The following CNTN4 variants were observed in gnomAD, a reference collection of about 807,000 sequenced individuals.
The protein encoded by CNTN4 is contactin-4.
CNTN4 carries 77 observed loss-of-function variants against 122.5 expected under a neutral mutation model. The observed-to-expected ratio is 0.63, with a 90% CI of 0.52 to 0.76. The LOEUF (loss-of-function observed/expected upper bound fraction) is 0.76, where lower values mean the gene tolerates loss of function less well. Among genes scored for constraint, CNTN4 ranks in the 30% least tolerant of loss-of-function variants. The pLI is 0.00. For synonymous variants in CNTN4, 512 were observed against 447.0 expected (o/e 1.15, Z -1.83); for missense variants, 1,256 against 1,259.1 (o/e 1.00, Z 0.04).
intron 3 of CNTN4, among the ~76,000 whole-genome samples, chr3:2,478,408 GTT>G (rs11369134): frequency 6.8e-6 from 1 of 147,124 alleles, no homozygotes; most frequent in African/African-American, 2.5e-5. Flanking sequence ...TTATCTGTTT[GTT>G]TTTTTTTTTT....
In CNTN4 at chr3:2,800,295, G is replaced by A. The variant is rs144235427; in HGVS notation, c.359-19191G>A. Among the ~76,000 whole-genome samples, 27 of 152,028 alleles carry A rather than the reference G, an allele frequency of 1.8e-4. No individual in the cohort carries two copies. The East Asian group carries it at 4.1e-3, about 23-fold the overall frequency. On this transcript the variant is annotated intron_variant, in intron 6 of 24. Transcript: ENST00000418658. ...CATGTTGTTCTTTACCCTGACATTCGATTTATTTCTTCTTTCTTCTCTCAA... is the reference window on the plus strand; with the variant it reads ...CATGTTGTTCTTTACCCTGACATTCAATTTATTTCTTCTTTCTTCTCTCAA...
intron 7 of CNTN4, among the ~76,000 whole-genome samples, chr3:2,836,938 T>A (rs2093239951): frequency 1.3e-5 from 2 of 152,162 alleles, no homozygotes; most frequent in African/African-American, 4.8e-5. Context: ...ACTTCTATAA[T>A]CTGCTTAATG....
intron 13 of CNTN4, among the ~76,000 whole-genome samples, chr3:2,943,630 A>AATT (rs2094640256): frequency 4.7e-5 from 6 of 128,264 alleles, no homozygotes; most frequent in Admixed American, 4.3e-4. Flanking sequence ...ATATATATAT[A>AATT]TTTTTTTTTT....
intron 6 of CNTN4, among the ~76,000 whole-genome samples, chr3:2,784,522 A>T (rs759089090): frequency 6.6e-6 from 1 of 152,232 alleles, no homozygotes; most frequent in African/African-American, 2.4e-5. Context: ...ATTCAAAGTT[A>T]AACCATACTC....
At chr3:2,542,522 C>T (rs1344095204) in intron 3 of CNTN4, among the ~76,000 whole-genome samples, 2 of 152,116 alleles carry the variant, frequency 1.3e-5, no homozygotes, top group Admixed American at 1.3e-4. Context: ...CATTTTCTTT[C>T]TATTCCTAAC....
At chr3:2,994,787 A>T (rs1413485245) in intron 14 of CNTN4, among the ~76,000 whole-genome samples, 1 of 152,162 alleles carries the variant, frequency 6.6e-6, no homozygotes, top group Admixed American at 6.6e-5. Context: ...TTTATTTTGC[A>T]AATGAGTTTG....
intron 4 of CNTN4, among the ~76,000 whole-genome samples, chr3:2,597,779 C>A (rs1314226474): frequency 6.6e-6 from 1 of 152,110 alleles, no homozygotes; most frequent in Non-Finnish European, 1.5e-5. Flanking sequence ...TGGATAATGA[C>A]CTGACAGCGT....
chr3:2,109,480 G>A (rs749078424), intron 2 of CNTN4, among the ~76,000 whole-genome samples: 2 of 152,040 alleles, frequency 1.3e-5, no homozygotes, highest in Non-Finnish European at 2.9e-5. Flanking sequence ...AAAATACTTT[G>A]TAACTTGCAC....
chr3:2,316,127 A>G (rs2043089513), intron 2 of CNTN4, among the ~76,000 whole-genome samples: 1 of 152,062 alleles, frequency 6.6e-6, no homozygotes, highest in Non-Finnish European at 1.5e-5. Context: ...CACAGGTTCT[A>G]TTTTTATATC....
At chr3:2,406,144 C>T (rs1342695040) in intron 3 of CNTN4, among the ~76,000 whole-genome samples, 1 of 151,908 alleles carries the variant, frequency 6.6e-6, no homozygotes, top group East Asian at 1.9e-4. Flanking sequence ...ACATTTCTTA[C>T]TCTCAAAGTA....
intron 3 of CNTN4, among the ~76,000 whole-genome samples, chr3:2,406,527 G>T (rs576033732): frequency 1.5e-4 from 23 of 152,290 alleles, no homozygotes; most frequent in Non-Finnish European, 2.1e-4. Context: ...TTGCACTGTG[G>T]TTATGTAAGG....
chr3:2,783,864 G>A (rs968378554), intron 6 of CNTN4, among the ~76,000 whole-genome samples: 5 of 152,124 alleles, frequency 3.3e-5, no homozygotes, highest in Non-Finnish European at 5.9e-5. Flanking sequence ...TGATGAATCC[G>A]TTCTTTAGTT....
intron 2 of CNTN4, among the ~76,000 whole-genome samples, chr3:2,309,418 C>T (rs1202800516): frequency 6.6e-6 from 1 of 152,122 alleles, no homozygotes; most frequent in Non-Finnish European, 1.5e-5. Flanking sequence ...GTATAAATAT[C>T]TACCTTTTAA....
intron 4 of CNTN4, among the ~76,000 whole-genome samples, chr3:2,578,222 A>G (rs1385218234): frequency 6.6e-6 from 1 of 152,228 alleles, no homozygotes; most frequent in Non-Finnish European, 1.5e-5. Flanking sequence ...AGGCTCAGGA[A>G]GTCTCATCAC....
intron 7 of CNTN4, among the ~76,000 whole-genome samples, chr3:2,854,259 T>C (rs535411596): frequency 1.2e-4 from 15 of 126,194 alleles, no homozygotes; most frequent in African/African-American, 4.3e-4. Flanking sequence ...TTTATTTTTC[T>C]TTCTTCTTCT....
intron 6 of CNTN4, among the ~76,000 whole-genome samples, chr3:2,768,191 G>T (rs958381082): frequency 5.3e-5 from 8 of 152,158 alleles, no homozygotes; most frequent in Non-Finnish European, 1.0e-4. Flanking sequence ...TGGCCTCGAT[G>T]CTTCTGAAAT....
chr3:2,692,194 G>A lies in CNTN4; in HGVS notation c.56-44021G>A, dbSNP rs117574499. Among the ~76,000 whole-genome samples, 144 of 152,288 alleles carry A rather than the reference G, an allele frequency of 9.5e-4. 3 individuals carry two copies. In the East Asian group the frequency reaches 0.027, roughly 28 times the overall value. Reference sequence around the variant, plus strand: ...TGCTTATTCACAAATATTTGAAAATGCGATCCCTTGACTAAGTATTTTTGC... The same window carrying A: ...TGCTTATTCACAAATATTTGAAAATACGATCCCTTGACTAAGTATTTTTGC... On this transcript the variant is annotated intron_variant, in intron 4 of 24. Coordinates refer to ENST00000418658, the MANE Select transcript of CNTN4 (RefSeq NM_175607.3).
intron 4 of CNTN4, among the ~76,000 whole-genome samples, chr3:2,617,238 C>T (rs2081791946): frequency 6.6e-6 from 1 of 151,954 alleles, no homozygotes; most frequent in Admixed American, 6.6e-5. Flanking sequence ...TTGCAATCTA[C>T]CCATGTGACA....
intron 12 of CNTN4, among the ~76,000 whole-genome samples, chr3:2,904,098 A>G (rs2094204235): frequency 6.6e-6 from 1 of 152,210 alleles, no homozygotes; most frequent in Non-Finnish European, 1.5e-5. Flanking sequence ...TTATAAAAGA[A>G]GAGATGATAA....
Sources: allele counts gnomAD v4.1 joint callset (sites outside exome capture counted in the v4.1 genomes callset), GRCh38; gene constraint gnomAD v4.1.1; transcripts MANE v1.5; gene names NCBI Gene and HGNC (gene_info 2026-07-23, HGNC 2026-07-21).